Variants in ENPP6 observed in about 807,000 individuals in gnomAD.
ENPP6 encodes the protein ectonucleotide pyrophosphatase/phosphodiesterase 6, also known as glycerophosphocholine cholinephosphodiesterase ENPP6.
A neutral mutation model predicts 42.0 loss-of-function variants in ENPP6; 32 were observed. The observed-to-expected ratio is 0.76, with a 90% confidence interval of 0.58 to 1.02. ENPP6 has a LOEUF of 1.02. ENPP6 is among the 50% of genes least tolerant of loss of function. The pLI, the probability that ENPP6 is intolerant of heterozygous loss-of-function variation, is 0.00. For missense variants in ENPP6, 552 were observed against 566.8 expected, an observed-to-expected ratio of 0.97 and a Z score of 0.27; for synonymous variants, 213 against 216.0, an observed-to-expected ratio of 0.99 and a Z score of 0.12.
intron 2 of ENPP6, among the ~76,000 whole-genome samples, chr4:184,134,717 AT>A: frequency 6.7e-6 from 1 of 148,284 alleles, no homozygotes; most frequent in East Asian, 2.0e-4. Context: ...TTGTATGTTT[AT>A]TTTCTATTTT....
intron 2 of ENPP6, among the ~76,000 whole-genome samples, chr4:184,137,399 T>C (rs1236362647): frequency 1.3e-5 from 2 of 152,232 alleles, no homozygotes; most frequent in Admixed American, 6.5e-5. Flanking sequence ...GCCCGGCCTA[T>C]AGTGGTTTTG....
intron 1 of ENPP6, among the ~76,000 whole-genome samples, chr4:184,193,186 A>G (rs989352096): frequency 6.6e-6 from 1 of 152,252 alleles, no homozygotes; most frequent in African/African-American, 2.4e-5. Flanking sequence ...CTTGTGCACA[A>G]ATGTTCACAG....
At chr4:184,215,210 T>C (rs1327780271) in intron 1 of ENPP6, among the ~76,000 whole-genome samples, 1 of 152,216 alleles carries the variant, frequency 6.6e-6, no homozygotes, top group Non-Finnish European at 1.5e-5. Flanking sequence ...GCTTTCTGTA[T>C]TCTGAGCAAT....
intron 1 of ENPP6, among the ~76,000 whole-genome samples, chr4:184,195,807 G>A (rs1268550595): frequency 6.6e-6 from 1 of 152,248 alleles, no homozygotes; most frequent in Non-Finnish European, 1.5e-5. Flanking sequence ...ACCCAAGTCT[G>A]TGAACTTGAA....
rs1028257909 is a variant in ENPP6, at chr4:184,147,075, C to T, written c.421+6479G>A. ...CGGCTCGACGTCCCAGAGCCAACTC[C>T]GAATTGATGTCCCTCTGCCTTCAGA... On this transcript the variant is annotated intron_variant, in intron 2 of 7. Coordinates refer to ENST00000296741, the MANE Select transcript of ENPP6 (RefSeq NM_153343.4). Among the ~76,000 whole-genome samples, 21 of 152,162 alleles carry T rather than the reference C, an allele frequency of 1.4e-4. 1 individual carries two copies. Among genetic ancestry groups the T allele is most frequent in the Admixed American group, 3.9e-4 (6 of 15,276 alleles).
chr4:184,183,500 T>TACAC (rs35771707), intron 1 of ENPP6, among the ~76,000 whole-genome samples: 3,483 of 148,476 alleles, frequency 0.023, 144 homozygotes, highest in African/African-American at 0.085. Context: ...CATGCATGTA[T>TACAC]ACACACACAC....
intron 6 of ENPP6, among the ~76,000 whole-genome samples, chr4:184,107,359 A>G (rs1420089926): frequency 3.3e-5 from 5 of 152,242 alleles, no homozygotes; most frequent in Non-Finnish European, 7.3e-5. Context: ...TATGGGAATA[A>G]GAACACTTCA....
chr4:184,093,975 C>T (rs147888552), intron 7 of ENPP6, among the ~76,000 whole-genome samples: 2 of 152,140 alleles, frequency 1.3e-5, no homozygotes, highest in East Asian at 3.9e-4. Context: ...AGGTGTCCCA[C>T]AGGCTTTCAA....
Position 184,131,274 on chromosome 4 carries a change from TC to T in ENPP6, c.422-7003del, listed in dbSNP as rs1218912352. Among the ~76,000 whole-genome samples, 37 of 135,914 alleles carry T rather than the reference TC, an allele frequency of 2.7e-4. 3 individuals carry two copies. Among genetic ancestry groups the T allele is most frequent in the African/African-American group, 1.0e-3 (35 of 33,814 alleles). The allele number at this position is 135,914 out of a possible 152,430, so 89.2% of individuals were successfully genotyped here. A position where few individuals can be genotyped will look rare whatever the true frequency, so the allele number is the denominator to read the frequency against. On this transcript the variant is annotated intron_variant, in intron 2 of 7. Transcript: ENST00000296741. ...TTTCTCTTTCTCTTCCTTCCTTCCTTCCTTCCTTCCTTCCTTCCTTCCTTCC... is the reference window on the plus strand; with the variant it reads ...TTTCTCTTTCTCTTCCTTCCTTCCTTCTTCCTTCCTTCCTTCCTTCCTTCC...
At chr4:184,217,268 C>G (rs4861611) in intron 1 of ENPP6, among the ~76,000 whole-genome samples, 105,878 of 151,868 alleles carry the variant, frequency 0.7, 37,903 homozygotes, top group East Asian at 0.84. Flanking sequence ...AAAATATGAG[C>G]CTCATTAGAA....
intron 1 of ENPP6, among the ~76,000 whole-genome samples, chr4:184,181,657 A>G (rs1732554890): frequency 6.6e-6 from 1 of 152,214 alleles, no homozygotes; most frequent in African/African-American, 2.4e-5. Context: ...TTGATACAAA[A>G]CAGACACATA....
chr4:184,112,688 C>G lies in ENPP6; in HGVS notation c.977G>C (p.Gly326Ala). The G allele has an allele frequency of 6.2e-7, 1 of 1,613,936 alleles. No individual in the cohort carries two copies. Among genetic ancestry groups the G allele is most frequent in the South Asian group, 1.1e-5 (1 of 91,004 alleles). Residue 326 changes from glycine (G) to alanine (A), a missense_variant, in exon 6 of 8, where the codon GGC (glycine) becomes GCC (alanine). Gly to Ala is a moderately conservative substitution (Grantham distance 60, BLOSUM62 0). Coordinates refer to ENST00000296741, the MANE Select transcript of ENPP6 (RefSeq NM_153343.4). ...VSPLTLVADE[G>A]WFITENREML... is the part of the protein sequence containing the mutation. The stretch of plus-strand genomic sequence containing the variant: ...CATAATTACCTCAGTTATGAACCAG[C>G]CTTCATCAGCCACTAAAGTCAAAGG...
At chr4:184,174,259 T>G (rs549593776) in intron 1 of ENPP6, among the ~76,000 whole-genome samples, 1 of 151,370 alleles carries the variant, frequency 6.6e-6, no homozygotes, top group Admixed American at 6.6e-5. Flanking sequence ...TGCCTCAGCC[T>G]CCCAAGTAGC....
intron 2 of ENPP6, among the ~76,000 whole-genome samples, chr4:184,125,399 C>A (rs1736487395): frequency 1.3e-5 from 2 of 152,118 alleles, no homozygotes; most frequent in Admixed American, 6.6e-5. Flanking sequence ...CCATAAAATG[C>A]CAGACAATGG....
At chr4:184,209,294 C>T (rs1323967883) in intron 1 of ENPP6, among the ~76,000 whole-genome samples, 343 of 147,092 alleles carry the variant, frequency 2.3e-3, no homozygotes, top group African/African-American at 7.1e-3. Context: ...CTCTGAGCTA[C>T]GGGAGGACAT....
chr4:184,195,674 T>C (rs921220411), intron 1 of ENPP6, among the ~76,000 whole-genome samples: 2 of 152,224 alleles, frequency 1.3e-5, no homozygotes, highest in African/African-American at 2.4e-5. Flanking sequence ...CTGATATAAG[T>C]GGAATCATAC....
intron 2 of ENPP6, among the ~76,000 whole-genome samples, chr4:184,130,708 A>G (rs564713265): frequency 1.1e-3 from 107 of 97,694 alleles, no homozygotes; most frequent in African/African-American, 4.0e-3. Flanking sequence ...TTTGCAGCAG[A>G]CAAGTCCTAA....
chr4:184,188,636 C>A (rs1732672263), intron 1 of ENPP6, among the ~76,000 whole-genome samples: 1 of 152,114 alleles, frequency 6.6e-6, no homozygotes, highest in South Asian at 2.1e-4. Flanking sequence ...GGAGACGATG[C>A]CACATTGCTC....
chr4:184,197,766 G>C (rs1579660948), intron 1 of ENPP6, among the ~76,000 whole-genome samples: 1 of 152,322 alleles, frequency 6.6e-6, no homozygotes. Context: ...ACAGAAAAAT[G>C]CATGCTAAAA....
Sources: allele counts gnomAD v4.1 joint callset (sites outside exome capture counted in the v4.1 genomes callset), GRCh38; gene constraint gnomAD v4.1.1; transcripts MANE v1.5; gene names NCBI Gene and HGNC (gene_info 2026-07-23, HGNC 2026-07-21).